The following WASF1 variants were observed in gnomAD, a reference collection of about 807,000 sequenced individuals.
The protein encoded by WASF1 is actin-binding protein WASF1.
Under a neutral mutation model 50.5 loss-of-function variants are expected in WASF1, and 7 were observed. The ratio of observed to expected loss-of-function variants is 0.14; its 90% CI spans 0.08 to 0.26. The LOEUF (loss-of-function observed/expected upper bound fraction) is 0.26, where lower values mean the gene tolerates loss of function less well. WASF1 is among the 10% of genes least tolerant of loss of function. The pLI is 1.00. For missense variants in WASF1, 470 were observed against 694.7 expected (o/e 0.68, Z 3.64); for synonymous variants, 205 against 244.0 (o/e 0.84, Z 1.49).
intron 4 of WASF1, among the ~76,000 whole-genome samples, chr6:110,124,222 CTCTCCTCTCTCTCCTCTCT>C (rs1774277199): frequency 1.3e-5 from 1 of 77,732 alleles, no homozygotes; most frequent in African/African-American, 7.9e-5. Context: ...TCTCTCCTCT[CTCTCCTCTCTCTCCTCTCT>C]CTCTCTCTCT....
intron 3 of WASF1, among the ~76,000 whole-genome samples, chr6:110,129,685 G>T (rs376556101): frequency 6.6e-6 from 1 of 152,130 alleles, no homozygotes; most frequent in Non-Finnish European, 1.5e-5. Context: ...CTCTGCTATT[G>T]TAAGTTACAC....
At chr6:110,154,627 G>T (rs1329913964) in intron 3 of WASF1, among the ~76,000 whole-genome samples, 2 of 151,972 alleles carry the variant, frequency 1.3e-5, no homozygotes, top group Non-Finnish European at 2.9e-5. Flanking sequence ...TGATTATGAA[G>T]ATTATACACT....
chr6:110,100,695 CA>C lies in WASF1; in HGVS notation c.1523-17del. ...AGCTGAATACCTGATACAGTGAATC[CA>C]AACCATTCATTTAAATCAAAATACT... On this transcript the variant is annotated splice_polypyrimidine_tract_variant and intron_variant, in intron 10 of 10. Coordinates refer to ENST00000392589, the MANE Select transcript of WASF1 (RefSeq NM_003931.3). 1 of 1,582,884 alleles carries C rather than the reference CA, an allele frequency of 6.3e-7. No homozygotes were observed. The highest frequency in any genetic ancestry group is 2.3e-5 in the East Asian group (1 of 43,856).
intron 9 of WASF1, 82 bp downstream of exon 9, chr6:110,103,296 C>CA: frequency 8.1e-6 from 12 of 1,474,134 alleles, no homozygotes; most frequent in Non-Finnish European, 1.1e-5. Flanking sequence ...GCCCGAAAGC[C>CA]AAAAATACTT....
chr6:110,111,123 T>C (rs550839960), intron 5 of WASF1, among the ~76,000 whole-genome samples: 185 of 152,320 alleles, frequency 1.2e-3, no homozygotes, highest in Non-Finnish European at 2.2e-3. Flanking sequence ...ATTTTGAAAC[T>C]AAATGTTGAT....
intron 2 of WASF1, among the ~76,000 whole-genome samples, chr6:110,171,987 C>G (rs1776738783): frequency 6.6e-6 from 1 of 152,208 alleles, no homozygotes; most frequent in Non-Finnish European, 1.5e-5. Flanking sequence ...AATGAGATAT[C>G]ATCTCACGCC....
intron 2 of WASF1, among the ~76,000 whole-genome samples, chr6:110,163,887 A>G (rs1206866216): frequency 6.6e-6 from 1 of 151,620 alleles, no homozygotes; most frequent in Admixed American, 6.6e-5. Context: ...GAAACTGAAT[A>G]AAGAGCCCAG....
At chr6:110,140,197 A>T (rs887133664) in intron 3 of WASF1, among the ~76,000 whole-genome samples, 4 of 152,192 alleles carry the variant, frequency 2.6e-5, no homozygotes, top group African/African-American at 9.7e-5. Context: ...TATGTAATGA[A>T]GCCTCCCTAA....
chr6:110,126,507 C>T (rs1401382562), intron 4 of WASF1, among the ~76,000 whole-genome samples: 8 of 152,110 alleles, frequency 5.3e-5, no homozygotes, highest in African/African-American at 1.9e-4. Context: ...ATTAGATTAA[C>T]AACCTCTTGT....
rs528234010 is a variant in WASF1 at position 110,129,286 on chromosome 6, C to T, written c.-28-1657G>A. Among the ~76,000 whole-genome samples, 3 of 152,086 alleles carry T rather than the reference C, an allele frequency of 2.0e-5. No homozygotes were observed. In the South Asian group the frequency reaches 6.2e-4, roughly 32 times the overall value. Reference sequence around the variant, plus strand: ...GAAAGCAGGAATTGGCCAACAAAGACAGAAGTGCAGCAAAAAACAAAAAAA... The same window carrying T: ...GAAAGCAGGAATTGGCCAACAAAGATAGAAGTGCAGCAAAAAACAAAAAAA... On this transcript the variant is annotated intron_variant, in intron 3 of 10. Transcript: ENST00000392589.
At chr6:110,142,833 C>CT (rs1562179389) in intron 3 of WASF1, among the ~76,000 whole-genome samples, 1 of 150,506 alleles carries the variant, frequency 6.6e-6, no homozygotes, top group African/African-American at 2.4e-5. Context: ...TAAGGGGGAA[C>CT]TTTTTTATTA....
chr6:110,172,106 AT>A (rs1776746571), intron 2 of WASF1, among the ~76,000 whole-genome samples: 1 of 152,230 alleles, frequency 6.6e-6, no homozygotes, highest in Non-Finnish European at 1.5e-5. Flanking sequence ...TAGTTCAACC[AT>A]TGTGGAAGAC....
intron 3 of WASF1, among the ~76,000 whole-genome samples, chr6:110,142,952 T>TAAAAAAAAAAAATAAAAAAAAAAAAAAA (rs1775316320): frequency 8.4e-6 from 1 of 119,182 alleles, no homozygotes; most frequent in African/African-American, 3.3e-5. Context: ...CCCAATGATG[T>TAAAAAAAAAAAATAAAAAAAAAAAAAAA]AAAAAAAAAA....
At chr6:110,109,755 G>T (rs6928684) in intron 5 of WASF1, among the ~76,000 whole-genome samples, 34,898 of 150,662 alleles carry the variant, frequency 0.23, 6,092 homozygotes, top group African/African-American at 0.49. Context: ...AGAGATGAGG[G>T]TTCACTATGT....
At chr6:110,114,753 C>T (rs558275212) in intron 4 of WASF1, among the ~76,000 whole-genome samples, 7 of 151,532 alleles carry the variant, frequency 4.6e-5, no homozygotes, top group Admixed American at 1.3e-4. Flanking sequence ...CAGATGAGTT[C>T]CCAGATGCCA....
At chr6:110,124,479 G>A (rs1399858683) in intron 4 of WASF1, among the ~76,000 whole-genome samples, 5 of 150,700 alleles carry the variant, frequency 3.3e-5, no homozygotes, top group Admixed American at 3.3e-4. Context: ...GCTCAGCTAA[G>A]GAGTAAAAAA....
chr6:110,109,647 G>A (rs1773473313), intron 5 of WASF1, among the ~76,000 whole-genome samples: 1 of 151,542 alleles, frequency 6.6e-6, no homozygotes, highest in Admixed American at 6.6e-5. Flanking sequence ...TTCCTCCCGG[G>A]TTCAAGCAAT....
At chr6:110,163,965 T>TA (rs1189547079) in intron 2 of WASF1, among the ~76,000 whole-genome samples, 2 of 151,664 alleles carry the variant, frequency 1.3e-5, no homozygotes. Flanking sequence ...TGAGAAAAGA[T>TA]AGTCTTTTCA....
chr6:110,158,375 T>C (rs1336000354), intron 3 of WASF1, among the ~76,000 whole-genome samples: 1 of 120,594 alleles, frequency 8.3e-6, no homozygotes, highest in East Asian at 2.6e-4. Context: ...TGATGGTAGT[T>C]TGTATTTCTG....
Sources: allele counts gnomAD v4.1 joint callset (sites outside exome capture counted in the v4.1 genomes callset), GRCh38; gene constraint gnomAD v4.1.1; transcripts MANE v1.5; gene names NCBI Gene and HGNC (gene_info 2026-07-23, HGNC 2026-07-21).